The following PALLD variants were observed in gnomAD, a reference collection of about 807,000 sequenced individuals.
The protein encoded by PALLD is palladin.
PALLD carries 61 observed loss-of-function variants against 123.5 expected under a neutral mutation model. The observed-to-expected ratio is 0.49, with a 90% CI of 0.40 to 0.61. The LOEUF is 0.61. Among genes scored for constraint, PALLD ranks in the 20% least tolerant of loss-of-function variants. The probability of loss-of-function intolerance (pLI) is 0.00; values close to 1 mark genes in which losing one functional copy is unlikely to be tolerated. For synonymous variants in PALLD, 465 were observed against 496.4 expected (o/e 0.94, Z 0.84); for missense variants, 1,273 against 1,377.0 (o/e 0.92, Z 1.20).
chr4:168,556,977 G>T (rs1271008942), intron 2 of PALLD, among the ~76,000 whole-genome samples: 3 of 152,144 alleles, frequency 2.0e-5, no homozygotes, highest in Non-Finnish European at 2.9e-5. Context: ...CCTGTAATCA[G>T]CCTCCCCCGG....
intron 2 of PALLD, among the ~76,000 whole-genome samples, chr4:168,567,678 T>C (rs2149596857): frequency 6.6e-6 from 1 of 151,420 alleles, no homozygotes; most frequent in African/African-American, 2.4e-5. Context: ...GCCATTATCC[T>C]AAGTGAAATG....
intron 2 of PALLD, among the ~76,000 whole-genome samples, chr4:168,530,917 C>G (rs996293156): frequency 6.6e-6 from 1 of 152,156 alleles, no homozygotes; most frequent in Non-Finnish European, 1.5e-5. Context: ...GATTCTTTTC[C>G]CTCTAATAAA....
At chr4:168,639,670 A>G (rs1407480050) in intron 2 of PALLD, among the ~76,000 whole-genome samples, 1 of 151,528 alleles carries the variant, frequency 6.6e-6, no homozygotes, top group African/African-American at 2.4e-5. Context: ...CAGCCTCCTG[A>G]GTAGCTGGGA....
intron 2 of PALLD, among the ~76,000 whole-genome samples, chr4:168,650,153 G>A (rs1355271231): frequency 2.6e-5 from 4 of 152,056 alleles, no homozygotes; most frequent in African/African-American, 7.2e-5. Context: ...CAGCCTAGGC[G>A]ACGAGAGTGA....
At chr4:168,819,128 T>C (rs574748922) in intron 10 of PALLD, among the ~76,000 whole-genome samples, 103 of 152,362 alleles carry the variant, frequency 6.8e-4, no homozygotes, top group African/African-American at 2.3e-3. Context: ...CAAAGTTTTG[T>C]GTAGCTAGTT....
chr4:168,905,138 GTTTTTTTTTTTT>G (rs777740588), intron 15 of PALLD, among the ~76,000 whole-genome samples: 29 of 34,524 alleles, frequency 8.4e-4, no homozygotes, highest in African/African-American at 2.2e-3. Context: ...TGTTTTGTTG[GTTTTTTTTTTTT>G]TTTTTTTTTT....
intron 2 of PALLD, among the ~76,000 whole-genome samples, chr4:168,631,028 T>C (rs1261808960): frequency 2.0e-5 from 3 of 152,174 alleles, no homozygotes; most frequent in Non-Finnish European, 1.5e-5. Flanking sequence ...CCCTAGACAT[T>C]GGTGGAAAGA....
chr4:168,904,001 G>A, intron 15 of PALLD, 95 bp downstream of exon 15: 1 of 1,228,026 alleles, frequency 8.1e-7, no homozygotes. Context: ...AAGTTAAGAA[G>A]TTTCTTTGAT....
chr4:168,798,070 C>T (rs1446068362), intron 10 of PALLD, among the ~76,000 whole-genome samples: 5 of 152,130 alleles, frequency 3.3e-5, no homozygotes, highest in Non-Finnish European at 5.9e-5. Flanking sequence ...CCCAGTTACC[C>T]GCTTTGTCCC....
At chr4:168,805,706 A>G (rs1740093656) in intron 10 of PALLD, among the ~76,000 whole-genome samples, 2 of 152,120 alleles carry the variant, frequency 1.3e-5, no homozygotes, top group South Asian at 2.1e-4. Flanking sequence ...TACAGAGGTA[A>G]TTGCTTTGGC....
chr4:168,707,529 C>G (rs1472331527), intron 8 of PALLD, among the ~76,000 whole-genome samples: 2 of 152,144 alleles, frequency 1.3e-5, no homozygotes, highest in Non-Finnish European at 2.9e-5. Flanking sequence ...CATCAGGGTT[C>G]CAAGAGATGG....
intron 10 of PALLD, among the ~76,000 whole-genome samples, chr4:168,870,362 C>T (rs7670747): frequency 0.032 from 4,846 of 152,176 alleles, 156 homozygotes; most frequent in African/African-American, 0.072. Flanking sequence ...ATGCAATTGA[C>T]GTTAGCTAGT....
At chr4:168,822,217 C>T (rs1235256355) in intron 10 of PALLD, among the ~76,000 whole-genome samples, 1 of 145,370 alleles carries the variant, frequency 6.9e-6, no homozygotes, top group Non-Finnish European at 1.5e-5. Context: ...AATAATGAAC[C>T]TAGCTTAGGA....
chr4:168,759,187 AAAAAAAAAAAAAAAAATAT>A (rs1732348099), intron 10 of PALLD, among the ~76,000 whole-genome samples: 1 of 21,508 alleles, frequency 4.6e-5, no homozygotes, highest in South Asian at 1.6e-3. Flanking sequence ...CTCAAAAAAA[AAAAAAAAAAAAAAAAATAT>A]ATATATATAT....
chr4:168,501,309 G>A (rs945292848), intron 1 of PALLD, among the ~76,000 whole-genome samples: 5 of 152,054 alleles, frequency 3.3e-5, no homozygotes, highest in African/African-American at 9.7e-5. Context: ...AGCTACTTGG[G>A]AAGCTAAAGT....
At position 168,660,730 on chromosome 4, in the gene PALLD, A is replaced by G. The variant is rs181256270; in HGVS notation, c.909-7460A>G. 2.7e-3 allele frequency among the ~76,000 whole-genome samples: 409 copies of G among 152,336 alleles called. 2 individuals are homozygous for G. Among genetic ancestry groups the G allele is most frequent in the Non-Finnish European group, 3.8e-3 (256 of 68,028 alleles). Reference sequence around the variant, plus strand: ...GTTACAATCCTTTTTCCTTTTATGTACTATAATCCTTTATGAACAAGGAAA... The same window carrying G: ...GTTACAATCCTTTTTCCTTTTATGTGCTATAATCCTTTATGAACAAGGAAA... On this transcript the variant is annotated intron_variant, in intron 2 of 21. Transcript: ENST00000505667.
At chr4:168,691,328 G>T (rs757901113) in intron 8 of PALLD, 36 bp downstream of exon 8, 9 of 1,555,732 alleles carry the variant, frequency 5.8e-6, no homozygotes, top group East Asian at 2.2e-5. Flanking sequence ...TTTTGGTGGT[G>T]GGGGAGCAGA....
intron 10 of PALLD, among the ~76,000 whole-genome samples, chr4:168,787,412 C>A: frequency 6.6e-6 from 1 of 152,312 alleles, no homozygotes; most frequent in African/African-American, 2.4e-5. Flanking sequence ...AGTTTTCTTA[C>A]AATTGAGCAT....
chr4:168,755,205 C>T (rs1365630023), intron 10 of PALLD, among the ~76,000 whole-genome samples: 5 of 147,562 alleles, frequency 3.4e-5, no homozygotes, highest in African/African-American at 1.3e-4. Flanking sequence ...TGCACTCCAG[C>T]CTGGGCGAGA....
Sources: gnomAD v4.1 joint callset for allele counts (sites outside exome capture counted in the v4.1 genomes callset) on GRCh38, gnomAD v4.1.1 for gene constraint, MANE v1.5 for transcripts, NCBI Gene and HGNC (gene_info 2026-07-23, HGNC 2026-07-21) for gene names.